MAGI2: variants seen among roughly 807,000 people sequenced by gnomAD.
The protein encoded by MAGI2 is membrane associated guanylate kinase, WW and PDZ domain containing 2, also known as membrane-associated guanylate kinase, WW and PDZ domain-containing protein 2.
A neutral mutation model predicts 133.3 loss-of-function variants in MAGI2; 35 were observed. That is an observed-to-expected ratio of 0.26 (90% CI 0.20 to 0.35). The LOEUF (loss-of-function observed/expected upper bound fraction) is 0.35, where lower values mean the gene tolerates loss of function less well. MAGI2 is among the 10% of genes least tolerant of loss of function. The pLI is 1.00. For synonymous variants in MAGI2, 729 were observed against 710.6 expected, an observed-to-expected ratio of 1.03 and a Z score of -0.41; for missense variants, 1,636 against 1,863.4, an observed-to-expected ratio of 0.88 and a Z score of 2.25.
intron 2 of MAGI2, among the ~76,000 whole-genome samples, chr7:78,680,645 C>A (rs2151093870): frequency 6.6e-6 from 1 of 152,268 alleles, no homozygotes; most frequent in South Asian, 2.1e-4. Context: ...TTAATAACCT[C>A]TGAAGGAGAT....
Position 78,673,026 on chromosome 7 carries a change from A to C in MAGI2, c.419-45787T>G, listed in dbSNP as rs574566351. ...TTAGATCACTAAACATCTATTGTCAATACTCATCTTCAAAAATGTTTCTTT... is the reference window on the plus strand; with the variant it reads ...TTAGATCACTAAACATCTATTGTCACTACTCATCTTCAAAAATGTTTCTTT... On this transcript the variant is annotated intron_variant, in intron 2 of 21. Coordinates refer to ENST00000354212, the MANE Select transcript of MAGI2 (RefSeq NM_012301.4). Among the ~76,000 whole-genome samples the C allele has an allele frequency of 1.8e-4, 28 of 152,296 alleles. 1 individual carries two copies. The South Asian group carries it at 3.1e-3, about 17-fold the overall frequency.
intron 1 of MAGI2, among the ~76,000 whole-genome samples, chr7:79,017,597 A>G (rs985380222): frequency 6.6e-5 from 10 of 152,248 alleles, no homozygotes; most frequent in African/African-American, 2.4e-4. Context: ...GATGGCTGAA[A>G]TGATAGAAAT....
intron 20 of MAGI2, among the ~76,000 whole-genome samples, chr7:78,086,104 G>A (rs945454844): frequency 3.3e-5 from 5 of 151,862 alleles, no homozygotes; most frequent in East Asian, 1.9e-4. Context: ...ATTATGATCT[G>A]GTATCTTCTT....
At chr7:78,957,039 G>A (rs1328848050) in intron 2 of MAGI2, among the ~76,000 whole-genome samples, 2 of 151,960 alleles carry the variant, frequency 1.3e-5, no homozygotes, top group East Asian at 3.9e-4. Flanking sequence ...CGAGGTGGGT[G>A]GATCACCTGA....
chr7:79,171,332 C>A (rs1825520502), intron 1 of MAGI2, among the ~76,000 whole-genome samples: 1 of 151,904 alleles, frequency 6.6e-6, no homozygotes, highest in African/African-American at 2.4e-5. Context: ...CCAAATCTTC[C>A]CTTTTTATAA....
At position 79,275,305 on chromosome 7, in the gene MAGI2, T is replaced by C. The variant is rs185435698; in HGVS notation, c.301+177715A>G. ...ATGATAAGAAGTCAAAACAGCCTTT[T>C]TGATAATATGGAGAAAGTATTAGTT... On this transcript the variant is annotated intron_variant, in intron 1 of 21. Coordinates refer to ENST00000354212, the MANE Select transcript of MAGI2 (RefSeq NM_012301.4). Among the ~76,000 whole-genome samples the C allele has an allele frequency of 1.4e-3, 214 of 152,284 alleles. 1 individual carries two copies. Among genetic ancestry groups the C allele is most frequent in the Non-Finnish European group, 2.4e-3 (162 of 68,016 alleles).
chr7:79,297,764 C>T (rs1023438776), intron 1 of MAGI2, among the ~76,000 whole-genome samples: 2 of 152,186 alleles, frequency 1.3e-5, no homozygotes, highest in African/African-American at 4.8e-5. Flanking sequence ...GGGAAGACCT[C>T]TTTGAGCAGC....
intron 5 of MAGI2, among the ~76,000 whole-genome samples, chr7:78,491,622 T>C (rs1793611973): frequency 6.6e-6 from 1 of 151,980 alleles, no homozygotes; most frequent in South Asian, 2.1e-4. Context: ...CCTTGTAAAG[T>C]CTGGTGGTGC....
At chr7:78,813,654 C>T (rs1583995356) in intron 2 of MAGI2, among the ~76,000 whole-genome samples, 3 of 151,808 alleles carry the variant, frequency 2.0e-5, no homozygotes, top group Admixed American at 6.6e-5. Context: ...GGCGTGGTGG[C>T]GGGCGCCTGT....
intron 10 of MAGI2, among the ~76,000 whole-genome samples, chr7:78,217,787 C>G (rs1788415753): frequency 6.6e-6 from 1 of 152,176 alleles, no homozygotes; most frequent in Admixed American, 6.5e-5. Flanking sequence ...CAGGTCAGCA[C>G]AAAGACCTGT....
intron 3 of MAGI2, among the ~76,000 whole-genome samples, chr7:78,557,702 G>A (rs1322613782): frequency 6.6e-6 from 1 of 152,108 alleles, no homozygotes; most frequent in Non-Finnish European, 1.5e-5. Context: ...CATAGATATG[G>A]AACAAAAGTT....
intron 3 of MAGI2, among the ~76,000 whole-genome samples, chr7:78,532,572 T>G (rs570230005): frequency 6.6e-6 from 1 of 152,366 alleles, no homozygotes; most frequent in East Asian, 1.9e-4. Flanking sequence ...CTTTATATTT[T>G]AGTCTATGTG....
intron 2 of MAGI2, among the ~76,000 whole-genome samples, chr7:78,700,294 T>A (rs559711625): frequency 3.3e-5 from 5 of 152,142 alleles, no homozygotes; most frequent in Non-Finnish European, 7.4e-5. Flanking sequence ...CCATTGGAAT[T>A]GTTATGAAAC....
intron 3 of MAGI2, among the ~76,000 whole-genome samples, chr7:78,573,300 A>T (rs1176152557): frequency 5.5e-5 from 3 of 54,492 alleles, no homozygotes; most frequent in Non-Finnish European, 9.5e-5. Context: ...AAATATATAT[A>T]TTTATATATA....
chr7:79,205,756 G>GGTGTGTGT lies in MAGI2; in HGVS notation c.302-198558_302-198551dup, dbSNP rs113762722. ...CAAGAGTGGAGGAAAAATGTAGAGG[G>GGTGTGTGT]GTGTGTGTGTGTGTGTGTGTGTAAT... On this transcript the variant is annotated intron_variant, in intron 1 of 21. Coordinates refer to ENST00000354212, the MANE Select transcript of MAGI2 (RefSeq NM_012301.4). Among the ~76,000 whole-genome samples, 313 of 148,084 alleles carry GGTGTGTGT rather than the reference G, an allele frequency of 2.1e-3. 6 individuals carry two copies. In the East Asian group the frequency reaches 0.031, roughly 15 times the overall value.
chr7:78,838,830 C>T (rs1345384445), intron 2 of MAGI2, among the ~76,000 whole-genome samples: 1 of 151,742 alleles, frequency 6.6e-6, no homozygotes, highest in Non-Finnish European at 1.5e-5. Flanking sequence ...TAATTGTTTC[C>T]CTGTTAAGCA....
chr7:78,759,915 C>T (rs1480294387), intron 2 of MAGI2, among the ~76,000 whole-genome samples: 2 of 152,068 alleles, frequency 1.3e-5, no homozygotes, highest in Admixed American at 1.3e-4. Context: ...ATCATGAGGT[C>T]AGCACTTCGA....
At chr7:78,902,327 A>G (rs952053845) in intron 2 of MAGI2, among the ~76,000 whole-genome samples, 27 of 152,168 alleles carry the variant, frequency 1.8e-4, no homozygotes, top group Admixed American at 5.9e-4. Context: ...CTTTTTTCCA[A>G]TGCACTTCCT....
At position 78,956,743 on chromosome 7, in the gene MAGI2, G is replaced by A. The variant is rs1007946117; in HGVS notation, c.418+50347C>T. 2.6e-5 allele frequency among the ~76,000 whole-genome samples: 4 copies of A among 152,110 alleles called. No homozygotes were observed. In the East Asian group the frequency reaches 7.7e-4, roughly 29 times the overall value. ...CTATTCTCTAAGTTCTGAAGATAGT[G>A]CCCGTTTTTTATGTAATACATCAGT... On this transcript the variant is annotated intron_variant, in intron 2 of 21. Coordinates refer to ENST00000354212, the MANE Select transcript of MAGI2 (RefSeq NM_012301.4).
Sources: allele counts gnomAD v4.1 joint callset (sites outside exome capture counted in the v4.1 genomes callset), GRCh38; gene constraint gnomAD v4.1.1; transcripts MANE v1.5; gene names NCBI Gene and HGNC (gene_info 2026-07-23, HGNC 2026-07-21).